The following AQR variants were observed in gnomAD, a reference collection of about 807,000 sequenced individuals.
The protein encoded by AQR is RNA helicase aquarius.
A neutral mutation model predicts 180.5 loss-of-function variants in AQR; 61 were observed. The ratio of observed to expected loss-of-function variants is 0.34; its 90% CI spans 0.28 to 0.42. AQR has a LOEUF of 0.42. AQR is among the 10% of genes least tolerant of loss of function. The pLI is 1.00. For synonymous variants in AQR, 551 were observed against 588.8 expected (o/e 0.94, Z 0.93); for missense variants, 1,281 against 1,798.3 (o/e 0.71, Z 5.20).
intron 19 of AQR, among the ~76,000 whole-genome samples, chr15:34,904,128 G>C (rs1893375657): frequency 6.6e-6 from 1 of 151,634 alleles, no homozygotes; most frequent in African/African-American, 2.4e-5. Flanking sequence ...CTCCTCAAAA[G>C]ACAAAATAGA....
intron 20 of AQR, among the ~76,000 whole-genome samples, chr15:34,898,044 T>C (rs1339014147): frequency 6.6e-6 from 1 of 152,176 alleles, no homozygotes; most frequent in African/African-American, 2.4e-5. Flanking sequence ...GCATCTAAGA[T>C]GAGTCTCAAA....
intron 16 of AQR, among the ~76,000 whole-genome samples, chr15:34,911,428 T>C (rs1014910211): frequency 1.1e-4 from 16 of 152,196 alleles, no homozygotes; most frequent in Non-Finnish European, 5.9e-5. Context: ...AAGAGTTCCC[T>C]TTTCTCCACA....
intron 32 of AQR, chr15:34,863,328 T>C (rs750012600): frequency 4.5e-6 from 1 of 221,080 alleles, no homozygotes; most frequent in Non-Finnish European, 9.0e-6. Context: ...TACAGTAGAG[T>C]TCAATTGTCA....
At chr15:34,943,047 G>T in intron 6 of AQR, 1 of 1,599,254 alleles carries the variant, frequency 6.3e-7, no homozygotes. Context: ...AAATGTTAAA[G>T]AGGCTTTCTG....
chr15:34,877,578 A>T (rs1436238982), intron 27 of AQR, among the ~76,000 whole-genome samples: 3 of 151,720 alleles, frequency 2.0e-5, no homozygotes. Context: ...GATAACAGGT[A>T]TAATATGCAA....
chr15:34,883,672 T>G (rs1311619311), intron 26 of AQR, among the ~76,000 whole-genome samples: 4 of 152,332 alleles, frequency 2.6e-5, no homozygotes, highest in African/African-American at 7.2e-5. Context: ...TACCTGAAAG[T>G]GTAATCCTAA....
chr15:34,959,770 C>T (rs1443340785), intron 3 of AQR, among the ~76,000 whole-genome samples: 1 of 152,218 alleles, frequency 6.6e-6, no homozygotes, highest in Non-Finnish European at 1.5e-5. Context: ...ACTTTCCACA[C>T]AAGCCAAATC....
At chr15:34,943,522 G>A in intron 6 of AQR, 1 of 332,568 alleles carries the variant, frequency 3.0e-6, no homozygotes, top group Admixed American at 4.7e-5. Flanking sequence ...TCCAGTGCAG[G>A]CATCATAAAT....
intron 27 of AQR, among the ~76,000 whole-genome samples, chr15:34,878,923 G>C (rs892875809): frequency 6.6e-6 from 1 of 152,170 alleles, no homozygotes; most frequent in African/African-American, 2.4e-5. Context: ...AGCTACTTGG[G>C]AGGCTGAGGC....
chr15:34,962,907 A>G (rs1231079951), intron 2 of AQR, among the ~76,000 whole-genome samples: 2 of 152,224 alleles, frequency 1.3e-5, no homozygotes, highest in East Asian at 1.9e-4. Flanking sequence ...CATTAAATTT[A>G]TAATGGCAAA....
At chr15:34,871,175 C>T (rs766140304) in intron 30 of AQR, among the ~76,000 whole-genome samples, 19 of 152,038 alleles carry the variant, frequency 1.2e-4, no homozygotes, top group Non-Finnish European at 1.9e-4. Flanking sequence ...AACTTAAAGG[C>T]TTAATATTCC....
intron 19 of AQR, among the ~76,000 whole-genome samples, chr15:34,901,557 C>G (rs1473984624): frequency 6.6e-6 from 1 of 152,138 alleles, no homozygotes; most frequent in Admixed American, 6.5e-5. Context: ...ACAAAGTGAG[C>G]TATCTCACAT....
intron 29 of AQR, 24 bp from the exon 30 acceptor site, chr15:34,874,023 C>T (rs559279839): frequency 2.5e-5 from 39 of 1,574,038 alleles, no homozygotes; most frequent in Non-Finnish European, 2.9e-5. Context: ...AATTCCCCCA[C>T]AAACAGAAAA....
intron 24 of AQR, 108 bp downstream of exon 24, chr15:34,890,107 T>C: frequency 1.1e-6 from 1 of 951,404 alleles, no homozygotes; most frequent in Non-Finnish European, 1.5e-6. Flanking sequence ...AGTTAGAACC[T>C]TTCAGAATTA....
chr15:34,913,062 C>G (rs191942421), intron 16 of AQR, among the ~76,000 whole-genome samples: 9 of 152,286 alleles, frequency 5.9e-5, no homozygotes, highest in Non-Finnish European at 1.0e-4. Context: ...CATACCATAA[C>G]ATTTATCCAC....
chr15:34,960,639 T>C lies in AQR; in HGVS notation c.173+135A>G, dbSNP rs2140508216. On this transcript the variant is annotated intron_variant, in intron 3 of 34. Coordinates refer to ENST00000156471, the MANE Select transcript of AQR (RefSeq NM_014691.3). ...TTATGACTCTTCAGCACCTAAAGTT[T>C]TTCTAGTCACCATTGCCCTGACGAC... The C allele has an allele frequency of 1.8e-5, 9 of 487,608 alleles. No homozygotes were observed. In the South Asian group the frequency reaches 2.0e-4, roughly 11 times the overall value. 30.2% of individuals were successfully genotyped at this position (487,608 alleles called of 1,614,324 possible).
chr15:34,899,242 G>C (rs983533079), intron 20 of AQR, among the ~76,000 whole-genome samples: 5 of 152,108 alleles, frequency 3.3e-5, no homozygotes, highest in African/African-American at 1.2e-4. Context: ...AGTTTTATGG[G>C]AGTAAAAAGA....
Position 34,897,014 on chromosome 15 carries a change from G to A in AQR, c.2391-48C>T, listed in dbSNP as rs1893256053. 2.8e-6 allele frequency: 4 copies of A among 1,442,378 alleles called. No homozygotes were observed. In the East Asian group the frequency reaches 9.1e-5, roughly 33 times the overall value. The allele number at this position is 1,442,378 out of a possible 1,614,324, so 89.3% of individuals were successfully genotyped here. A position where few individuals can be genotyped will look rare whatever the true frequency, so the allele number is the denominator to read the frequency against. Reference sequence around the variant, plus strand: ...AGTTGGTACAGATAAATGATGCTTTGTATAATACAAATTTAGACAACAATG... The same window carrying A: ...AGTTGGTACAGATAAATGATGCTTTATATAATACAAATTTAGACAACAATG... On this transcript the variant is annotated intron_variant, in intron 21 of 34. Transcript: ENST00000156471.
chr15:34,898,978 TAACACGGTGA>T (rs943290116), intron 20 of AQR, among the ~76,000 whole-genome samples: 3 of 148,306 alleles, frequency 2.0e-5, no homozygotes, highest in African/African-American at 7.5e-5. Flanking sequence ...CCATCCTGGC[TAACACGGTGA>T]AACCCTGTCT....
Sources: allele counts gnomAD v4.1 joint callset (sites outside exome capture counted in the v4.1 genomes callset), GRCh38; gene constraint gnomAD v4.1.1; transcripts MANE v1.5; gene names NCBI Gene and HGNC (gene_info 2026-07-23, HGNC 2026-07-21).